Variants in SLC9A6 observed in about 807,000 individuals in gnomAD.
The protein encoded by SLC9A6 is sodium/hydrogen exchanger 6.
Under a neutral mutation model 45.3 loss-of-function variants are expected in SLC9A6, and 6 were observed. The observed-to-expected ratio is 0.13, with a 90% CI of 0.07 to 0.26. The LOEUF (loss-of-function observed/expected upper bound fraction) is 0.26. Ranked by LOEUF, SLC9A6 falls within the 10% of genes least tolerant of loss-of-function variation. SLC9A6 has a pLI of 1.00. For synonymous variants in SLC9A6, 191 were observed against 187.7 expected, an observed-to-expected ratio of 1.02 and a Z score of -0.14; for missense variants, 278 against 503.7, an observed-to-expected ratio of 0.55 and a Z score of 4.29.
At chrX:136,016,317 T>C (rs782706065) in intron 10 of SLC9A6, among the ~76,000 whole-genome samples, 5 of 109,251 alleles carry the variant, frequency 4.6e-5, no homozygotes, top group African/African-American at 1.7e-4. Flanking sequence ...TCATTATGGG[T>C]AGGAAGTGAT....
chrX:136,029,769 C>T (rs1025859187), intron 14 of SLC9A6: 22 of 253,746 alleles, frequency 8.7e-5, no homozygotes, highest in South Asian at 1.6e-4. Flanking sequence ...TTGCACTGTG[C>T]CATCCTTGTT....
chrX:135,973,974 CG>C (rs1569523470), upstream of SLC9A6: 7 of 1,014,602 alleles, frequency 6.9e-6, no homozygotes, highest in Non-Finnish European at 9.0e-6. Context: ...GCGGGAGCTA[CG>C]GGGAAGCGAA....
At position 135,985,936 on chromosome X, in the gene SLC9A6, A is replaced by G. The variant is rs1281106201; in HGVS notation, c.169+109A>G. On this transcript the variant is annotated intron_variant, in intron 2 of 17. Transcript: ENST00000630721. The stretch of plus-strand genomic sequence containing the variant: ...TCGGCCTACGTTCGGCTCCCCTTCT[A>G]ATTCCTTCCATTTTCTGCCTCGCCT... 8 of 931,310 alleles carry G rather than the reference A, an allele frequency of 8.6e-6. No individual in the cohort carries two copies. In the African/African-American group the frequency reaches 1.6e-4, roughly 18 times the overall value. The allele number at this position is 931,310 out of a possible 1,213,427, so 76.8% of individuals were successfully genotyped here.
At chrX:136,029,862 G>C in intron 14 of SLC9A6, 1 of 382,584 alleles carries the variant, frequency 2.6e-6, no homozygotes, top group Non-Finnish European at 4.6e-6. Flanking sequence ...CCTATATTCA[G>C]AGAAAAAAAA....
intron 1 of SLC9A6, among the ~76,000 whole-genome samples, chrX:135,977,977 TACTTA>T (rs1395304302): frequency 2.7e-5 from 3 of 112,347 alleles, no homozygotes; most frequent in African/African-American, 6.5e-5. Flanking sequence ...TTGGAGAAGT[TACTTA>T]ACTTCACTGC....
At chrX:136,008,731 C>A (rs1487056975) in intron 7 of SLC9A6, among the ~76,000 whole-genome samples, 2 of 111,642 alleles carry the variant, frequency 1.8e-5, no homozygotes, top group African/African-American at 6.5e-5. Flanking sequence ...CTAAACTGTA[C>A]ATTTTATTAC....
chrX:135,984,997 GT>G (rs782717797), upstream of SLC9A6: 5,158 of 101,088 alleles, frequency 0.051, 200 homozygotes, highest in African/African-American at 0.13. Flanking sequence ...GTTTTTTTGT[GT>G]TTTTTTTTTT....
At chrX:135,984,593 A>ACAGAACT (rs2089305160), upstream of SLC9A6, among the ~76,000 whole-genome samples, 1 of 111,697 alleles carries the variant, frequency 9.0e-6, no homozygotes, top group Admixed American at 9.5e-5. Flanking sequence ...CTGGTGAGAG[A>ACAGAACT]GGTTGGACAG....
Position 136,047,213 on chromosome X carries a change from G to A in SLC9A6, c.*2489G>A, listed in dbSNP as rs1603226810. On this transcript the variant is annotated 3_prime_UTR_variant, in exon 18 of 18. Coordinates refer to ENST00000630721, the MANE Select transcript of SLC9A6 (RefSeq NM_001379110.1). ...TTATTTTTCTACCTATATACCTAGT[G>A]GAAAAGGGGAAGACTAATGTTTTCA... 2.7e-5 allele frequency: 3 copies of A among 112,199 alleles called. No individual in the cohort carries two copies. The Admixed American group carries it at 2.8e-4, about 11-fold the overall frequency. The allele number at this position is 112,199 out of a possible 1,213,427, so 9.2% of individuals were successfully genotyped here. A position where few individuals can be genotyped will look rare whatever the true frequency, so the allele number is the denominator to read the frequency against.
chrX:136,033,345 A>G, intron 15 of SLC9A6, 69 bp from the exon 16 acceptor site: 3 of 682,499 alleles, frequency 4.4e-6, no homozygotes, highest in Non-Finnish European at 6.9e-6. Context: ...CTGATTCTCC[A>G]AAGGAATGGC....
intron 6 of SLC9A6, among the ~76,000 whole-genome samples, chrX:136,000,407 C>T (rs1250718452): frequency 9.0e-6 from 1 of 110,996 alleles, no homozygotes; most frequent in Non-Finnish European, 1.9e-5. Flanking sequence ...GTAGCTACTC[C>T]CATTATCAAC....
At chrX:135,987,115 A>T (rs1284596161) in intron 2 of SLC9A6, among the ~76,000 whole-genome samples, 1 of 111,729 alleles carries the variant, frequency 9.0e-6, no homozygotes, top group African/African-American at 3.3e-5. Context: ...CTTATTTTTC[A>T]TTTTTAAGAG....
chrX:136,009,619 G>A (rs1556618379), intron 7 of SLC9A6, among the ~76,000 whole-genome samples: 1 of 112,242 alleles, frequency 8.9e-6, no homozygotes. Flanking sequence ...ATTTAGTAAC[G>A]GTAAGCACCG....
chrX:136,006,180 T>TA (rs1381030414), intron 7 of SLC9A6, among the ~76,000 whole-genome samples: 1 of 112,076 alleles, frequency 8.9e-6, no homozygotes, highest in African/African-American at 3.2e-5. Context: ...GCATTCTGTG[T>TA]AAGCAGCTTT....
chrX:135,973,903 C>G (rs1556612938), upstream of SLC9A6: 1 of 1,141,416 alleles, frequency 8.8e-7, no homozygotes, highest in Non-Finnish European at 1.2e-6. Context: ...CACGAACCTG[C>G]GCTATGGAGG....
chrX:136,040,317 C>A, intron 17 of SLC9A6, 136 bp downstream of exon 17: 1 of 494,346 alleles, frequency 2.0e-6, no homozygotes, highest in South Asian at 3.1e-5. Context: ...GGAATTTAAG[C>A]ATATTTTGCT....
upstream of SLC9A6, among the ~76,000 whole-genome samples, chrX:135,984,972 C>CTG (rs200902350): frequency 4.5e-3 from 487 of 108,704 alleles, 3 homozygotes; most frequent in African/African-American, 0.015. Flanking sequence ...CTACAGTGCT[C>CTG]TGTGTGTGTG....
rs782145804 is a variant in SLC9A6, at chrX:136,033,420, C to A, written c.1588C>A (p.Pro530Thr). The change falls in exon 16 of 18, where the codon CCT becomes ACT. Residue 530 changes from proline (P) to threonine (T), a missense_variant. By Grantham distance (38) the Pro-to-Thr change is conservative. Around this residue, in one of 5 missense-constraint regions of SLC9A6, gnomAD observed 91 missense variants for 125.1 expected, o/e 0.73. Transcript: ENST00000630721. ...VDSDQEHLGV[P>T]ENERRTTKAE... ...CTGTATTATCTATCTGCAGGGTGTT[C>A]CTGAAAATGAAAGGAGAACTACCAA... 11 of 1,163,858 alleles carry A rather than the reference C, an allele frequency of 9.5e-6. No individual in the cohort carries two copies. The highest frequency in any genetic ancestry group is 5.0e-4 in the Middle Eastern group (2 of 4,003).
intron 2 of SLC9A6, among the ~76,000 whole-genome samples, chrX:135,987,008 C>T (rs2148132019): frequency 9.0e-6 from 1 of 110,871 alleles, no homozygotes; most frequent in African/African-American, 3.3e-5. Context: ...CCATGCAAAC[C>T]CCCGCCCCCT....
Sources: gnomAD v4.1 joint callset for allele counts (sites outside exome capture counted in the v4.1 genomes callset) on GRCh38, gnomAD v4.1.1 for gene constraint, gnomAD v4.1.1 regional missense constraint, MANE v1.5 for transcripts, NCBI Gene and HGNC (gene_info 2026-07-23, HGNC 2026-07-21) for gene names.